Variants in NDUFAF6 observed in about 807,000 individuals in gnomAD.
NDUFAF6 encodes NADH:ubiquinone oxidoreductase complex assembly factor 6.
A neutral mutation model predicts 40.8 loss-of-function variants in NDUFAF6; 45 were observed. The observed-to-expected ratio is 1.10, with a 90% CI of 0.87 to 1.42. NDUFAF6 has a LOEUF of 1.42. Among genes scored for constraint, NDUFAF6 ranks in the 40% most tolerant of loss-of-function variants. The pLI, the probability that NDUFAF6 is intolerant of heterozygous loss-of-function variation, is 0.00. For missense variants in NDUFAF6, 435 were observed against 418.5 expected, an observed-to-expected ratio of 1.04 and a Z score of -0.34; for synonymous variants, 185 against 155.9, an observed-to-expected ratio of 1.19 and a Z score of -1.39.
chr8:94,933,838 G>C (rs1248136326), intron 1 of NDUFAF6, among the ~76,000 whole-genome samples: 1 of 148,592 alleles, frequency 6.7e-6, no homozygotes, highest in East Asian at 2.0e-4. Flanking sequence ...ACTTTGTGGG[G>C]GGGGGGGGAG....
intron 1 of NDUFAF6, among the ~76,000 whole-genome samples, chr8:94,899,142 G>A (rs934474266): frequency 4.6e-5 from 7 of 152,272 alleles, no homozygotes; most frequent in Middle Eastern, 3.4e-3. Flanking sequence ...TAAATCAACC[G>A]CCCGCCTCGG....
At position 95,075,629 on chromosome 8, in the gene NDUFAF6, G is replaced by A. The variant is rs1411894158; in HGVS notation, c.*512-4G>A. On this transcript the variant is annotated splice_region_variant and splice_polypyrimidine_tract_variant and intron_variant and NMD_transcript_variant, in intron 9 of 9. Coordinates refer to the NDUFAF6 transcript ENST00000520757. ...TGAATAAGTGTCCTCTTTCCTCTCT[G>A]CAGGAAATTAAGGATGCAGACACTC... 15 of 1,288,260 alleles carry A rather than the reference G, an allele frequency of 1.2e-5. No homozygotes were observed. The Admixed American group carries it at 3.2e-4, about 28-fold the overall frequency. The allele number at this position is 1,288,260 out of a possible 1,614,324, so 79.8% of individuals were successfully genotyped here.
At chr8:95,040,177 C>T (rs1290206769) in intron 3 of NDUFAF6, among the ~76,000 whole-genome samples, 1 of 152,008 alleles carries the variant, frequency 6.6e-6, no homozygotes, top group Non-Finnish European at 1.5e-5. Flanking sequence ...TCCCCCCGAC[C>T]TCGTCTTTTT....
intron 2 of NDUFAF6, among the ~76,000 whole-genome samples, chr8:94,983,110 T>C (rs1825577566): frequency 6.6e-6 from 1 of 152,100 alleles, no homozygotes; most frequent in Non-Finnish European, 1.5e-5. Flanking sequence ...AAAGAAATGA[T>C]ATACATGAAG....
chr8:94,918,048 A>C (rs1230449200), intron 1 of NDUFAF6, among the ~76,000 whole-genome samples: 2 of 152,160 alleles, frequency 1.3e-5, no homozygotes, highest in African/African-American at 4.8e-5. Flanking sequence ...CTTAGTTCCA[A>C]GACTTTCTAA....
At chr8:94,958,644 C>T (rs1220470289) in intron 1 of NDUFAF6, among the ~76,000 whole-genome samples, 1 of 145,556 alleles carries the variant, frequency 6.9e-6, no homozygotes, top group Non-Finnish European at 1.5e-5. Context: ...AAGCAATTCT[C>T]CTGCCTCAGT....
At chr8:94,921,022 T>C (rs1018770991) in intron 1 of NDUFAF6, among the ~76,000 whole-genome samples, 2 of 152,158 alleles carry the variant, frequency 1.3e-5, no homozygotes, top group African/African-American at 4.8e-5. Flanking sequence ...GCTCTTAAAG[T>C]CCTCTACTGG....
intron 1 of NDUFAF6, among the ~76,000 whole-genome samples, chr8:94,921,912 G>C (rs1035455734): frequency 6.6e-6 from 1 of 152,314 alleles, no homozygotes; most frequent in South Asian, 2.1e-4. Context: ...GCATGACCTG[G>C]GAATTTATTA....
intron 1 of NDUFAF6, among the ~76,000 whole-genome samples, chr8:94,898,721 A>G (rs1013380106): frequency 3.3e-5 from 5 of 152,174 alleles, no homozygotes; most frequent in African/African-American, 1.2e-4. Context: ...AGGGTGAAGT[A>G]TCTGTATTAT....
At chr8:94,950,806 C>G (rs1189220010) in intron 2 of NDUFAF6, 1 of 152,060 alleles carries the variant, frequency 6.6e-6, no homozygotes, top group Non-Finnish European at 1.5e-5. Flanking sequence ...CATTCAGAAC[C>G]AAGGTATGAT....
intron 1 of NDUFAF6, among the ~76,000 whole-genome samples, chr8:94,941,446 C>T (rs1821521956): frequency 6.6e-6 from 1 of 152,190 alleles, no homozygotes; most frequent in Admixed American, 6.5e-5. Flanking sequence ...TATTCAACTG[C>T]TCAGAAGTCC....
chr8:94,905,514 G>T (rs777240308), intron 1 of NDUFAF6, among the ~76,000 whole-genome samples: 1 of 151,966 alleles, frequency 6.6e-6, no homozygotes, highest in African/African-American at 2.4e-5. Context: ...CTGACTTTAG[G>T]ATCCTAACCT....
chr8:95,086,861 C>T (rs377658938), intron 2 of NDUFAF6, among the ~76,000 whole-genome samples: 4 of 152,156 alleles, frequency 2.6e-5, no homozygotes, highest in South Asian at 4.1e-4. Flanking sequence ...CCTCCGCCCC[C>T]CAAAGTGCTG....
At chr8:95,111,463 T>C (rs921067688) in intron 4 of NDUFAF6, among the ~76,000 whole-genome samples, 3 of 152,236 alleles carry the variant, frequency 2.0e-5, no homozygotes, top group Non-Finnish European at 4.4e-5. Context: ...TATAAAGTGG[T>C]TCCAAGAAGC....
intron 1 of NDUFAF6, chr8:94,940,967 C>T: frequency 6.4e-7 from 1 of 1,574,670 alleles, no homozygotes; most frequent in East Asian, 2.3e-5. Context: ...GAGAGTTTGG[C>T]TGGATGTCTT....
chr8:94,979,735 T>C (rs137993517), intron 1 of NDUFAF6, among the ~76,000 whole-genome samples: 22 of 152,326 alleles, frequency 1.4e-4, no homozygotes, highest in Non-Finnish European at 2.8e-4. Context: ...GGCAGACATA[T>C]GTGCAGGAGG....
At chr8:94,915,121 T>A (rs1356169232) in intron 1 of NDUFAF6, among the ~76,000 whole-genome samples, 1 of 140,370 alleles carries the variant, frequency 7.1e-6, no homozygotes, top group Admixed American at 7.1e-5. Flanking sequence ...GCATCTTAAA[T>A]TTTTTTTTTT....
At chr8:95,038,643 G>A (rs2131830142) in intron 3 of NDUFAF6, among the ~76,000 whole-genome samples, 1 of 151,780 alleles carries the variant, frequency 6.6e-6, no homozygotes, top group East Asian at 2.0e-4. Context: ...CGAATTGTTT[G>A]ATTCAGTCTT....
intron 2 of NDUFAF6, among the ~76,000 whole-genome samples, chr8:95,000,406 C>T (rs1252133737): frequency 6.6e-6 from 1 of 152,120 alleles, no homozygotes; most frequent in African/African-American, 2.4e-5. Flanking sequence ...TTCTTAGACA[C>T]TATGATACAT....
Sources: allele counts gnomAD v4.1 joint callset (sites outside exome capture counted in the v4.1 genomes callset), GRCh38; gene constraint gnomAD v4.1.1; transcripts MANE v1.5; gene names NCBI Gene and HGNC (gene_info 2026-07-23, HGNC 2026-07-21).